The following LTBP1 variants were observed in gnomAD, a reference collection of about 807,000 sequenced individuals.
LTBP1 encodes latent-transforming growth factor beta-binding protein 1.
Under a neutral mutation model 207.6 loss-of-function variants are expected in LTBP1, and 129 were observed. The ratio of observed to expected loss-of-function variants is 0.62; its 90% CI spans 0.54 to 0.72. The LOEUF (loss-of-function observed/expected upper bound fraction) is 0.72. Among genes scored for constraint, LTBP1 ranks in the 30% least tolerant of loss-of-function variants. LTBP1 has a pLI of 0.00. For synonymous variants in LTBP1, 963 were observed against 833.7 expected (o/e 1.16, Z -2.67); for missense variants, 2,281 against 2,217.2 (o/e 1.03, Z -0.58).
chr2:33,308,673 A>G (rs143179394), intron 22 of LTBP1, among the ~76,000 whole-genome samples: 79 of 152,334 alleles, frequency 5.2e-4, no homozygotes, highest in African/African-American at 1.8e-3. Context: ...GGACTTATAA[A>G]ACAATGTAAT....
chr2:33,262,812 C>T lies in LTBP1; in HGVS notation c.2509C>T (p.Gln837Ter). The stretch of plus-strand genomic sequence containing the variant: ...CATTTCCACTATTCATCTGCATCCA[C>T]AGTTTCCAGGTAGCCTGTGTTGATC... ...PGISTIHLHP[Q>*]FPVVIEKTSP... The change falls in exon 14 of 34, where the codon CAG becomes TAG. Residue 837 changes from glutamine (Q) to a stop codon, truncating the protein, a stop_gained. Coordinates refer to ENST00000404816, the MANE Select transcript of LTBP1 (RefSeq NM_206943.4). LOFTEE classifies it high-confidence loss of function. 3 of 1,606,416 alleles carry T rather than the reference C, an allele frequency of 1.9e-6. No homozygotes were observed. The highest frequency in any genetic ancestry group is 2.6e-6 in the Non-Finnish European group (3 of 1,175,062).
chr2:32,986,632 A>G (rs1670117610), intron 2 of LTBP1, among the ~76,000 whole-genome samples: 1 of 152,200 alleles, frequency 6.6e-6, no homozygotes, highest in Admixed American at 6.5e-5. Flanking sequence ...AATCAAGCAC[A>G]GGGCCCTTCT....
At chr2:33,171,581 C>G (rs1244494302) in intron 5 of LTBP1, among the ~76,000 whole-genome samples, 6 of 151,090 alleles carry the variant, frequency 4.0e-5, no homozygotes, top group African/African-American at 1.5e-4. Flanking sequence ...GGAAAACACT[C>G]TGCAGGATAT....
At chr2:33,310,662 A>G (rs2094172254) in intron 23 of LTBP1, among the ~76,000 whole-genome samples, 1 of 152,194 alleles carries the variant, frequency 6.6e-6, no homozygotes, top group African/African-American at 2.4e-5. Context: ...TGTTACATTT[A>G]TAGCCAAAAG....
intron 3 of LTBP1, among the ~76,000 whole-genome samples, chr2:33,073,256 A>G (rs998498043): frequency 6.7e-6 from 1 of 150,180 alleles, no homozygotes; most frequent in Non-Finnish European, 1.5e-5. Context: ...TTTGTATGTA[A>G]TCACAGAATG....
At position 33,342,838 on chromosome 2, in the gene LTBP1, A is replaced by G. The variant is rs1446358101; in HGVS notation, c.3731A>G (p.Asp1244Gly). Reference protein sequence around the residue: ...SISADGRTCEDIDECVNNTVC... With the variant: ...SISADGRTCEGIDECVNNTVC... ...CTGATGTTCCATGTCTTTTTTGCAG[A>G]TATTGATGAATGTGTAAACAACACT... is the stretch of plus-strand genomic sequence containing the variant. Residue 1244 changes from aspartate to glycine, a missense_variant and splice_region_variant, in exon 25 of 34, where the codon GAT becomes GGT. Asp to Gly is a moderately conservative substitution (Grantham distance 94). Transcript: ENST00000404816. 2 of 1,612,538 alleles carry G rather than the reference A, an allele frequency of 1.2e-6. No homozygotes were observed. Among genetic ancestry groups the G allele is most frequent in the Admixed American group, 3.3e-5 (2 of 59,714 alleles).
chr2:33,294,752 T>C (rs933056691), intron 20 of LTBP1, among the ~76,000 whole-genome samples: 2 of 151,892 alleles, frequency 1.3e-5, no homozygotes, highest in Non-Finnish European at 2.9e-5. Context: ...CTAATTTTTG[T>C]ATTTTTAGTA....
intron 5 of LTBP1, among the ~76,000 whole-genome samples, chr2:33,138,667 A>G (rs1051757888): frequency 6.6e-6 from 1 of 152,160 alleles, no homozygotes; most frequent in Non-Finnish European, 1.5e-5. Flanking sequence ...TTCGTGTCAC[A>G]ACTAGAATAT....
chr2:33,003,259 A>T (rs1197785341), intron 2 of LTBP1, among the ~76,000 whole-genome samples: 2 of 152,208 alleles, frequency 1.3e-5, no homozygotes, highest in East Asian at 3.8e-4. Flanking sequence ...GGTCCTACTG[A>T]GTAGATTTGC....
At chr2:33,108,280 G>T (rs1189253632) in intron 3 of LTBP1, among the ~76,000 whole-genome samples, 2 of 151,950 alleles carry the variant, frequency 1.3e-5, no homozygotes, top group African/African-American at 2.4e-5. Context: ...CGCACCTCAT[G>T]GGGGGAAGCG....
chr2:33,062,121 C>G (rs2077296209), intron 3 of LTBP1, among the ~76,000 whole-genome samples: 1 of 152,006 alleles, frequency 6.6e-6, no homozygotes, highest in African/African-American at 2.4e-5. Context: ...TGTGAAATGT[C>G]TATTGAATAT....
intron 9 of LTBP1, 62 bp from the exon 10 acceptor site, chr2:33,243,600 A>G (rs567729572): frequency 9.7e-6 from 15 of 1,553,210 alleles, no homozygotes; most frequent in Admixed American, 1.8e-5. Flanking sequence ...AATGCAATGT[A>G]TAGCCAGAAT....
chr2:33,272,925 A>G (rs1452781911), intron 15 of LTBP1, among the ~76,000 whole-genome samples: 1 of 152,134 alleles, frequency 6.6e-6, no homozygotes, highest in Non-Finnish European at 1.5e-5. Flanking sequence ...ACTGTAGTGT[A>G]TGTCTGTGAG....
chr2:33,154,990 G>T (rs556255926), intron 5 of LTBP1, among the ~76,000 whole-genome samples: 12 of 152,244 alleles, frequency 7.9e-5, no homozygotes, highest in African/African-American at 2.9e-4. Flanking sequence ...TTGAACCTGG[G>T]AGGTGGAGGA....
intron 3 of LTBP1, among the ~76,000 whole-genome samples, chr2:33,056,726 T>TA (rs983008815): frequency 6.6e-5 from 10 of 152,096 alleles, no homozygotes; most frequent in Admixed American, 3.9e-4. Context: ...TGGTGAGTGT[T>TA]ACAGCTCATA....
chr2:33,359,933 T>A (rs1574007024), intron 26 of LTBP1, among the ~76,000 whole-genome samples: 1 of 152,246 alleles, frequency 6.6e-6, no homozygotes, highest in African/African-American at 2.4e-5. Flanking sequence ...TTAAGCTGAA[T>A]CTGTTAGAAT....
At chr2:33,345,161 A>T (rs573172546) in intron 25 of LTBP1, among the ~76,000 whole-genome samples, 39 of 152,070 alleles carry the variant, frequency 2.6e-4, no homozygotes, top group South Asian at 2.1e-3. Context: ...ATTATCACCT[A>T]CTCATCCTTC....
intron 19 of LTBP1, chr2:33,291,620 C>G (rs2093776764): frequency 6.6e-6 from 1 of 152,172 alleles, no homozygotes; most frequent in Non-Finnish European, 1.5e-5. Flanking sequence ...TTATCGTGGA[C>G]TAGAGTCAGC....
chr2:33,058,963 T>C (rs1257209322), intron 3 of LTBP1, among the ~76,000 whole-genome samples: 1 of 152,214 alleles, frequency 6.6e-6, no homozygotes, highest in Admixed American at 6.5e-5. Context: ...TTTATGCAAA[T>C]GTGGGCATTT....
Sources: gnomAD v4.1 joint callset for allele counts (sites outside exome capture counted in the v4.1 genomes callset) on GRCh38, gnomAD v4.1.1 for gene constraint, MANE v1.5 for transcripts, NCBI Gene and HGNC (gene_info 2026-07-23, HGNC 2026-07-21) for gene names.